The following EXOC6B variants were observed in gnomAD, a reference collection of about 807,000 sequenced individuals.
The protein encoded by EXOC6B is SEC15 homolog B.
EXOC6B carries 54 observed loss-of-function variants against 113.5 expected under a neutral mutation model. That is an observed-to-expected ratio of 0.48 (90% CI 0.38 to 0.60). EXOC6B has a LOEUF of 0.60. EXOC6B is among the 20% of genes least tolerant of loss of function. EXOC6B has a pLI of 0.00. For synonymous variants in EXOC6B, 357 were observed against 339.0 expected (o/e 1.05, Z -0.58); for missense variants, 797 against 977.5 (o/e 0.82, Z 2.46).
intron 8 of EXOC6B, among the ~76,000 whole-genome samples, chr2:72,542,224 G>A (rs1702643613): frequency 6.6e-6 from 1 of 152,052 alleles, no homozygotes; most frequent in Non-Finnish European, 1.5e-5. Flanking sequence ...CTCCTTCTAT[G>A]TGGTGAGAAT....
intron 20 of EXOC6B, among the ~76,000 whole-genome samples, chr2:72,333,328 C>T (rs1410258471): frequency 6.6e-6 from 1 of 152,110 alleles, no homozygotes; most frequent in Non-Finnish European, 1.5e-5. Flanking sequence ...AACACTAGTT[C>T]CTTTCCATAG....
At chr2:72,302,244 T>C (rs1686576043) in intron 20 of EXOC6B, among the ~76,000 whole-genome samples, 1 of 152,192 alleles carries the variant, frequency 6.6e-6, no homozygotes, top group South Asian at 2.1e-4. Flanking sequence ...TGCTGAGGAT[T>C]GTTTTATGTT....
chr2:72,222,482 T>C (rs1013842711), intron 20 of EXOC6B, among the ~76,000 whole-genome samples: 4 of 152,190 alleles, frequency 2.6e-5, no homozygotes, highest in Non-Finnish European at 5.9e-5. Flanking sequence ...AAAAACCTTG[T>C]ATATTTGAGT....
chr2:72,470,814 G>C (rs1371716739), intron 17 of EXOC6B, among the ~76,000 whole-genome samples: 4 of 69,166 alleles, frequency 5.8e-5, no homozygotes, highest in Admixed American at 3.5e-4. Context: ...ATTTTATGGC[G>C]CATAGTATTC....
At chr2:72,199,782 T>C (rs1679381701) in intron 20 of EXOC6B, among the ~76,000 whole-genome samples, 1 of 152,222 alleles carries the variant, frequency 6.6e-6, no homozygotes, top group Non-Finnish European at 1.5e-5. Flanking sequence ...CCTGAAACCC[T>C]AGACCTTTTA....
At chr2:72,701,708 C>A (rs1198527817) in intron 6 of EXOC6B, among the ~76,000 whole-genome samples, 1 of 152,176 alleles carries the variant, frequency 6.6e-6, no homozygotes, top group Non-Finnish European at 1.5e-5. Flanking sequence ...TGCCCCAGAG[C>A]TACTTTGTCA....
intron 20 of EXOC6B, among the ~76,000 whole-genome samples, chr2:72,317,229 A>G (rs763679357): frequency 6.6e-6 from 1 of 152,048 alleles, no homozygotes; most frequent in Non-Finnish European, 1.5e-5. Flanking sequence ...AGGGCATAAA[A>G]CAGATCAAGA....
chr2:72,631,426 G>A (rs71337708), intron 6 of EXOC6B, among the ~76,000 whole-genome samples: 1,314 of 27,970 alleles, frequency 0.047, 315 homozygotes, highest in East Asian at 0.17. Flanking sequence ...GTGTGTGTGT[G>A]TATATATATA....
intron 6 of EXOC6B, among the ~76,000 whole-genome samples, chr2:72,702,620 G>T (rs1248356028): frequency 1.1e-4 from 7 of 64,590 alleles, no homozygotes; most frequent in African/African-American, 4.9e-4. Context: ...CATTCTAACT[G>T]GTGTGAGATG....
intron 18 of EXOC6B, among the ~76,000 whole-genome samples, chr2:72,448,191 G>A (rs1696700454): frequency 6.6e-6 from 1 of 150,524 alleles, no homozygotes; most frequent in South Asian, 2.1e-4. Context: ...TCATTCCCCT[G>A]TTTCTTTACA....
intron 16 of EXOC6B, 135 bp from the exon 17 acceptor site, chr2:72,480,885 T>G (rs1199558867): frequency 2.3e-6 from 2 of 856,306 alleles, no homozygotes; most frequent in African/African-American, 1.7e-5. Flanking sequence ...AAGGGGTATG[T>G]TAAAGCATGG....
intron 1 of EXOC6B, among the ~76,000 whole-genome samples, chr2:72,790,478 C>T (rs1325226562): frequency 1.3e-5 from 2 of 152,136 alleles, no homozygotes; most frequent in Non-Finnish European, 2.9e-5. Flanking sequence ...AAGATGGTGA[C>T]ATTTACAACT....
intron 13 of EXOC6B, among the ~76,000 whole-genome samples, chr2:72,496,984 T>G (rs1700070384): frequency 7.1e-6 from 1 of 141,600 alleles, no homozygotes; most frequent in East Asian, 2.0e-4. Flanking sequence ...TTATTATTAT[T>G]ATTATTAGAG....
At chr2:72,243,639 TGTGAATGACAAATTAATGG>T (rs1682469029) in intron 20 of EXOC6B, among the ~76,000 whole-genome samples, 1 of 152,198 alleles carries the variant, frequency 6.6e-6, no homozygotes, top group Non-Finnish European at 1.5e-5. Flanking sequence ...AAATACCTAA[TGTGAATGACAAATTAATGG>T]GTGCAGCACA....
chr2:72,697,351 A>C (rs541042900), intron 6 of EXOC6B, among the ~76,000 whole-genome samples: 1 of 152,222 alleles, frequency 6.6e-6, no homozygotes, highest in South Asian at 2.1e-4. Context: ...TATTCCTAGT[A>C]AGCTGCCATG....
At chr2:72,625,216 T>C (rs1296647425) in intron 6 of EXOC6B, among the ~76,000 whole-genome samples, 1 of 151,464 alleles carries the variant, frequency 6.6e-6, no homozygotes, top group Non-Finnish European at 1.5e-5. Flanking sequence ...ACACCTAGCC[T>C]AGAGAGTTTA....
chr2:72,809,451 G>C (rs1254719342), intron 1 of EXOC6B, among the ~76,000 whole-genome samples: 2 of 151,788 alleles, frequency 1.3e-5, no homozygotes, highest in South Asian at 2.1e-4. Flanking sequence ...AAATAAAGTA[G>C]ACTTCAGAAC....
chr2:72,519,783 A>T (rs1701394832), intron 8 of EXOC6B, among the ~76,000 whole-genome samples: 1 of 152,174 alleles, frequency 6.6e-6, no homozygotes, highest in Non-Finnish European at 1.5e-5. Flanking sequence ...CCAAGTGCCA[A>T]GTGTTTGGGA....
chr2:72,658,504 C>A (rs1674773215), intron 6 of EXOC6B, among the ~76,000 whole-genome samples: 1 of 151,814 alleles, frequency 6.6e-6, no homozygotes, highest in Non-Finnish European at 1.5e-5. Flanking sequence ...AGCAAATCAA[C>A]TAATTCCTCT....
Sources: allele counts gnomAD v4.1 joint callset (sites outside exome capture counted in the v4.1 genomes callset), GRCh38; gene constraint gnomAD v4.1.1; transcripts MANE v1.5; gene names NCBI Gene and HGNC (gene_info 2026-07-23, HGNC 2026-07-21).